GPC3: variants seen among roughly 807,000 people sequenced by gnomAD.
The protein encoded by GPC3 is glypican 3, also known as glypican-3.
GPC3 carries 3 observed loss-of-function variants against 34.4 expected under a neutral mutation model. That is an observed-to-expected ratio of 0.09 (90% CI 0.04 to 0.23). The LOEUF (loss-of-function observed/expected upper bound fraction) is 0.23, where lower values mean the gene tolerates loss of function less well. Ranked by LOEUF, GPC3 falls within the 10% of genes least tolerant of loss-of-function variation. The pLI, the probability that GPC3 is intolerant of heterozygous loss-of-function variation, is 1.00. For missense variants in GPC3, 351 were observed against 445.6 expected (o/e 0.79, Z 1.91); for synonymous variants, 177 against 174.0 (o/e 1.02, Z -0.13).
intron 2 of GPC3, among the ~76,000 whole-genome samples, chrX:133,807,387 A>T (rs752011611): frequency 1.4e-3 from 160 of 112,072 alleles, no homozygotes; most frequent in African/African-American, 5.2e-3. Context: ...AACCTGCAGA[A>T]CTATAAGCCA....
chrX:133,958,617 T>C (rs976733607), intron 1 of GPC3, among the ~76,000 whole-genome samples: 44 of 103,109 alleles, frequency 4.3e-4, no homozygotes, highest in African/African-American at 1.6e-3. Context: ...GTTACATCTG[T>C]ACACTTAACT....
intron 6 of GPC3, among the ~76,000 whole-genome samples, chrX:133,658,449 G>A (rs1272195174): frequency 9.0e-6 from 1 of 111,514 alleles, no homozygotes; most frequent in Non-Finnish European, 1.9e-5. Flanking sequence ...TGAAATATGG[G>A]TAAATGCTAT....
chrX:133,843,938 C>T (rs767286005), intron 2 of GPC3, among the ~76,000 whole-genome samples: 1 of 112,081 alleles, frequency 8.9e-6, no homozygotes, highest in South Asian at 3.7e-4. Context: ...TTAGCTTATA[C>T]ATCCTTTTAG....
chrX:133,565,832 G>A, intron 7 of GPC3, among the ~76,000 whole-genome samples: 1 of 112,172 alleles, frequency 8.9e-6, no homozygotes, highest in Non-Finnish European at 1.9e-5. Context: ...GATGCCACAG[G>A]GCAGAATAGG....
At chrX:133,661,875 G>T (rs2070730613) in intron 5 of GPC3, 25 bp from the exon 6 acceptor site, 2 of 1,196,668 alleles carry the variant, frequency 1.7e-6, no homozygotes, top group South Asian at 1.8e-5. Flanking sequence ...GTAAAGAAAA[G>T]GTTTGTCAAA....
At chrX:133,724,856 T>C (rs1293243102) in intron 3 of GPC3, among the ~76,000 whole-genome samples, 3 of 112,358 alleles carry the variant, frequency 2.7e-5, no homozygotes, top group South Asian at 7.4e-4. Context: ...AAGGTAATAC[T>C]TGGACAAGAG....
intron 2 of GPC3, among the ~76,000 whole-genome samples, chrX:133,948,327 G>T (rs972295542): frequency 9.0e-5 from 10 of 110,771 alleles, no homozygotes; most frequent in Non-Finnish European, 1.5e-4. Context: ...TTTAGGGGGA[G>T]TGGGAGAGAC....
intron 2 of GPC3, among the ~76,000 whole-genome samples, chrX:133,827,112 A>G (rs1006642430): frequency 3.6e-5 from 4 of 111,751 alleles, no homozygotes; most frequent in African/African-American, 9.8e-5. Context: ...TTGTATATGA[A>G]TTTCACCTAG....
At chrX:133,666,484 CA>C (rs1223942949) in intron 5 of GPC3, among the ~76,000 whole-genome samples, 1 of 112,228 alleles carries the variant, frequency 8.9e-6, no homozygotes, top group Non-Finnish European at 1.9e-5. Flanking sequence ...AGGCAGTAAC[CA>C]AAAGTCCTGG....
At chrX:133,863,876 C>G (rs1304675434) in intron 2 of GPC3, among the ~76,000 whole-genome samples, 1 of 105,397 alleles carries the variant, frequency 9.5e-6, no homozygotes, top group African/African-American at 3.5e-5. Flanking sequence ...AGGATGGTCT[C>G]GATCTCCTGA....
chrX:133,638,736 C>A (rs1439238445), intron 6 of GPC3, among the ~76,000 whole-genome samples: 2 of 108,428 alleles, frequency 1.8e-5, no homozygotes, highest in African/African-American at 6.8e-5. Flanking sequence ...GGTGTACAAT[C>A]TTTTGGCTTC....
intron 5 of GPC3, among the ~76,000 whole-genome samples, chrX:133,674,096 G>T (rs935545167): frequency 9.0e-6 from 1 of 110,541 alleles, no homozygotes; most frequent in African/African-American, 3.3e-5. Context: ...GCATGGTGGT[G>T]CATGCCTGTG....
intron 2 of GPC3, among the ~76,000 whole-genome samples, chrX:133,926,830 AAT>A (rs1457315871): frequency 4.3e-5 from 4 of 93,580 alleles, no homozygotes; most frequent in Non-Finnish European, 8.1e-5. Context: ...TCAAGCCTGC[AAT>A]ATGACAGCAG....
chrX:133,568,110 C>T (rs970230746), intron 7 of GPC3, among the ~76,000 whole-genome samples: 1 of 111,919 alleles, frequency 8.9e-6, no homozygotes, highest in Non-Finnish European at 1.9e-5. Context: ...GAATGAAGCA[C>T]CAAGCACAAA....
chrX:133,541,276 A>G (rs1186990516), intron 7 of GPC3, among the ~76,000 whole-genome samples: 1 of 110,485 alleles, frequency 9.1e-6, no homozygotes, highest in Non-Finnish European at 1.9e-5. Flanking sequence ...AAACCCTACA[A>G]AGTGGCTAAA....
At chrX:133,950,133 A>C (rs1399775464) in intron 2 of GPC3, among the ~76,000 whole-genome samples, 1 of 112,570 alleles carries the variant, frequency 8.9e-6, no homozygotes, top group African/African-American at 3.2e-5. Context: ...GAATTAATTA[A>C]GCAGAAACAA....
chrX:133,614,073 GA>G (rs1194148741), intron 6 of GPC3, among the ~76,000 whole-genome samples: 1 of 110,410 alleles, frequency 9.1e-6, no homozygotes, highest in Non-Finnish European at 1.9e-5. Context: ...ATGAGGAAAA[GA>G]AAAAAAGAAG....
intron 6 of GPC3, among the ~76,000 whole-genome samples, chrX:133,619,823 A>AT (rs1479379118): frequency 9.0e-6 from 1 of 110,958 alleles, no homozygotes; most frequent in African/African-American, 3.3e-5. Context: ...ATTTTACTCA[A>AT]TAAAAAAAAG....
intron 2 of GPC3, among the ~76,000 whole-genome samples, chrX:133,847,053 G>A (rs1286046599): frequency 9.0e-6 from 1 of 111,630 alleles, no homozygotes; most frequent in Non-Finnish European, 1.9e-5. Context: ...GTTAATTTAG[G>A]TGGATTTATC....
Sources: allele counts gnomAD v4.1 joint callset (sites outside exome capture counted in the v4.1 genomes callset), GRCh38; gene constraint gnomAD v4.1.1; transcripts MANE v1.5; gene names NCBI Gene and HGNC (gene_info 2026-07-23, HGNC 2026-07-21).